The following LBP variants were observed in gnomAD, a reference collection of about 807,000 sequenced individuals.
LBP encodes lipopolysaccharide binding protein, also known as lipopolysaccharide-binding protein.
Under a neutral mutation model 56.6 loss-of-function variants are expected in LBP, and 53 were observed. That is an observed-to-expected ratio of 0.94 (90% CI 0.75 to 1.18). LBP has a LOEUF of 1.18. Ranked by LOEUF, LBP falls within the 50% of genes most tolerant of loss-of-function variation. The probability of loss-of-function intolerance (pLI) is 0.00; values close to 1 mark genes in which losing one functional copy is unlikely to be tolerated. For synonymous variants in LBP, 227 were observed against 247.5 expected (o/e 0.92, Z 0.78); for missense variants, 601 against 598.3 (o/e 1.00, Z -0.05).
At chr20:38,374,453 T>G (rs908002784) in intron 14 of LBP, among the ~76,000 whole-genome samples, 4 of 151,624 alleles carry the variant, frequency 2.6e-5, no homozygotes, top group Non-Finnish European at 5.9e-5. Context: ...AAAAATTAGC[T>G]GGACATGGTG....
At chr20:38,358,867 G>A (rs11536951) in intron 5 of LBP, among the ~76,000 whole-genome samples, 6,846 of 152,230 alleles carry the variant, frequency 0.045, 476 homozygotes, top group African/African-American at 0.15. Context: ...CTTTCTCATC[G>A]CACATCAACA....
At position 38,376,662 on chromosome 20, in the gene LBP, G is replaced by A. The variant is rs1421436635; in HGVS notation, c.1439G>A (p.Arg480Lys). 6.2e-7 allele frequency: 1 copy of A among 1,613,908 alleles called. No individual in the cohort carries two copies. Among genetic ancestry groups the A allele is most frequent in the Non-Finnish European group, 8.5e-7 (1 of 1,179,762 alleles). ...LFLGANVQYM[R>K]V ...TTGGGTGCCAATGTCCAATACATGA[G>A]AGTTTGAGGACAAGAAAGATGAAGC... Residue 480 changes from arginine (R) to lysine (K), a missense_variant, in exon 15 of 15, where the codon AGA (arginine) becomes AAA (lysine). Arg to Lys is a conservative substitution (Grantham distance 26). Coordinates refer to ENST00000217407, the MANE Select transcript of LBP (RefSeq NM_004139.5).
chr20:38,346,573 C>T lies in LBP; in HGVS notation c.57C>T (p.Ser19=), dbSNP rs763289513. The change falls in exon 1 of 15, where the codon TCC becomes TCT. Residue 19 remains serine (S), a synonymous_variant. Transcript: ENST00000217407. ...TACTGCTGGCATTGCTGCTTACGTC[C>T]ACCCCAGAGGCTCTGGGTGCCAACC... The part of the protein sequence containing the change: ...PSILLALLLT[S]TPEALGANPG... 64 of 1,613,690 alleles carry T rather than the reference C, an allele frequency of 4.0e-5. No homozygotes were observed. The highest frequency in any genetic ancestry group is 5.0e-5 in the Non-Finnish European group (59 of 1,180,026).
intron 11 of LBP, 73 bp from the exon 12 acceptor site, chr20:38,371,207 G>A (rs1335206380): frequency 6.4e-6 from 8 of 1,247,620 alleles, no homozygotes; most frequent in Non-Finnish European, 8.1e-6. Flanking sequence ...ATCCTTTCTC[G>A]CTTCTGGGGA....
intron 6 of LBP, among the ~76,000 whole-genome samples, chr20:38,362,241 T>C (rs1304275740): frequency 6.7e-6 from 1 of 149,996 alleles, no homozygotes; most frequent in Non-Finnish European, 1.5e-5. Context: ...TTTGTATTTT[T>C]AGTAGAGACG....
intron 12 of LBP, among the ~76,000 whole-genome samples, chr20:38,371,821 C>A (rs557230742): frequency 5.9e-5 from 9 of 152,126 alleles, no homozygotes; most frequent in Non-Finnish European, 8.8e-5. Context: ...AAAATTTGCA[C>A]ACACACACAC....
At chr20:38,373,812 G>A in intron 13 of LBP, 125 bp from the exon 14 acceptor site, 1 of 816,966 alleles carries the variant, frequency 1.2e-6, no homozygotes, top group South Asian at 1.6e-5. Context: ...CTACCTCATA[G>A]TCTTGGAAAT....
At chr20:38,371,437 G>T in intron 12 of LBP, 115 bp downstream of exon 12, 1 of 807,872 alleles carries the variant, frequency 1.2e-6, no homozygotes, top group Non-Finnish European at 2.0e-6. Context: ...TTGATTTTTT[G>T]CCCTGCAGAA....
intron 3 of LBP, among the ~76,000 whole-genome samples, chr20:38,352,690 G>A (rs1213247263): frequency 6.6e-6 from 1 of 152,198 alleles, no homozygotes; most frequent in African/African-American, 2.4e-5. Flanking sequence ...GGGAGGCGGA[G>A]GTTGCGGTGA....
rs1413830001 is a variant in LBP, at chr20:38,358,795, A to T, written c.589-1909A>T. 2.6e-5 allele frequency among the ~76,000 whole-genome samples: 4 copies of T among 152,160 alleles called. No individual in the cohort carries two copies. The East Asian group carries it at 5.8e-4, about 22-fold the overall frequency. Reference sequence around the variant, plus strand: ...TGCATGTCCCTCTCCTTCACTGTACATGTGGATTCATTGCACAAGAGGTGG... The same window carrying T: ...TGCATGTCCCTCTCCTTCACTGTACTTGTGGATTCATTGCACAAGAGGTGG... On this transcript the variant is annotated intron_variant, in intron 5 of 14. Transcript: ENST00000217407.
intron 3 of LBP, 70 bp downstream of exon 3, chr20:38,351,009 A>G: frequency 6.4e-7 from 1 of 1,566,860 alleles, no homozygotes; most frequent in East Asian, 2.3e-5. Context: ...CTTAGGTCCA[A>G]GGTGTTCCTA....
intron 12 of LBP, 22 bp downstream of exon 12, chr20:38,371,344 C>T: frequency 1.3e-6 from 2 of 1,548,636 alleles, no homozygotes; most frequent in Non-Finnish European, 8.9e-7. Flanking sequence ...TTATTGATGA[C>T]ATGATTAGAA....
chr20:38,349,694 G>A, intron 2 of LBP, 32 bp downstream of exon 2: 3 of 1,478,610 alleles, frequency 2.0e-6, no homozygotes, highest in South Asian at 2.4e-5. Context: ...CGGCTCTGAA[G>A]TGGCTGGAGC....
chr20:38,360,272 AAAC>A (rs1295820220), intron 5 of LBP, among the ~76,000 whole-genome samples: 40 of 152,158 alleles, frequency 2.6e-4, no homozygotes, highest in African/African-American at 9.4e-4. Context: ...AAAAAAAAAA[AAAC>A]AAAAAAACTA....
intron 12 of LBP, 133 bp from the exon 13 acceptor site, chr20:38,372,939 A>G: frequency 2.7e-6 from 2 of 732,560 alleles, no homozygotes; most frequent in Non-Finnish European, 4.6e-6. Flanking sequence ...ATCTCAAAAG[A>G]GTTTTATCTT....
intron 5 of LBP, among the ~76,000 whole-genome samples, chr20:38,357,720 G>A (rs746694567): frequency 2.0e-4 from 30 of 152,192 alleles, no homozygotes; most frequent in Admixed American, 3.9e-4. Context: ...GCTCAGTCGC[G>A]TATACTTGTG....
chr20:38,358,141 C>G (rs1282392271), intron 5 of LBP, among the ~76,000 whole-genome samples: 1 of 152,172 alleles, frequency 6.6e-6, no homozygotes, highest in Non-Finnish European at 1.5e-5. Context: ...CATTTTGCCC[C>G]TGTTCTAGAT....
rs763059907 is a variant in LBP at position 38,364,616 on chromosome 20, T to G, written c.785T>G (p.Leu262Arg). The change falls in exon 8 of 15, where the codon CTC becomes CGC. Residue 262 changes from leucine to arginine, a missense_variant. Physicochemically the swap from Leu to Arg is moderately radical, Grantham distance 102. Coordinates refer to ENST00000217407, the MANE Select transcript of LBP (RefSeq NM_004139.5). ...CGTAACCACCGTTCTCCAGTTACCC[T>G]CCTTGCTGCAGTCATGAGCCTTCCT... ...FHRNHRSPVT[L>R]LAAVMSLPEE... 5 of 1,614,108 alleles carry G rather than the reference T, an allele frequency of 3.1e-6. No homozygotes were observed. The highest frequency in any genetic ancestry group is 4.2e-6 in the Non-Finnish European group (5 of 1,180,010).
intron 2 of LBP, 66 bp downstream of exon 2, chr20:38,349,728 G>C: frequency 8.5e-7 from 1 of 1,170,276 alleles, no homozygotes; most frequent in Non-Finnish European, 1.2e-6. Context: ...GAATTGGAGA[G>C]TGAGGAAGAG....
Sources: allele counts gnomAD v4.1 joint callset (sites outside exome capture counted in the v4.1 genomes callset), GRCh38; gene constraint gnomAD v4.1.1; transcripts MANE v1.5; gene names NCBI Gene and HGNC (gene_info 2026-07-23, HGNC 2026-07-21).